The following DOP1B variants were observed in gnomAD, a reference collection of about 807,000 sequenced individuals.
The protein encoded by DOP1B is protein DOP1B.
DOP1B carries 174 observed loss-of-function variants against 233.5 expected under a neutral mutation model. That is an observed-to-expected ratio of 0.75 (90% CI 0.66 to 0.85). DOP1B has a LOEUF of 0.85. Ranked by LOEUF, DOP1B falls within the 40% of genes least tolerant of loss-of-function variation. The pLI, the probability that DOP1B is intolerant of heterozygous loss-of-function variation, is 0.00. For missense variants in DOP1B, 2,652 were observed against 2,846.6 expected (o/e 0.93, Z 1.56); for synonymous variants, 1,190 against 1,185.6 (o/e 1.00, Z -0.08).
intron 23 of DOP1B, among the ~76,000 whole-genome samples, chr21:36,257,574 C>A (rs35962930): frequency 0.59 from 89,276 of 151,964 alleles, 26,669 homozygotes; most frequent in African/African-American, 0.69. Flanking sequence ...CACGTAAAAA[C>A]ATAGGTTGAT....
chr21:36,209,729 G>C (rs370526844), intron 5 of DOP1B, among the ~76,000 whole-genome samples: 3 of 152,092 alleles, frequency 2.0e-5, no homozygotes, highest in East Asian at 1.9e-4. Context: ...ATCCCTTCTC[G>C]TGCCCTTAGA....
chr21:36,281,715 A>G, intron 32 of DOP1B, 104 bp downstream of exon 32: 1 of 1,107,578 alleles, frequency 9.0e-7, no homozygotes, highest in African/African-American at 1.6e-5. Flanking sequence ...CTGGAGGCTG[A>G]GAAGTCCTAT....
chr21:36,253,928 C>T lies in DOP1B; in HGVS notation c.5259+19C>T. ...TGATGAGGTGAGGAGCCTGGGGAAG[C>T]CTCTGGGCTTCTGCAGATTAGTGGG... On this transcript the variant is annotated intron_variant, in intron 23 of 36. Coordinates refer to ENST00000691173, the MANE Select transcript of DOP1B (RefSeq NM_001320714.2). The T allele has an allele frequency of 6.2e-7, 1 of 1,609,228 alleles. No homozygotes were observed. Among genetic ancestry groups the T allele is most frequent in the Non-Finnish European group, 8.5e-7 (1 of 1,177,330 alleles).
At chr21:36,277,123 G>T (rs371957153) in intron 28 of DOP1B, 23 bp downstream of exon 28, 1 of 1,604,778 alleles carries the variant, frequency 6.2e-7, no homozygotes, top group Non-Finnish European at 8.5e-7. Context: ...CTGACCTGTC[G>T]TCCTTTATGG....
At chr21:36,200,739 A>C (rs538083366) in intron 4 of DOP1B, among the ~76,000 whole-genome samples, 80 of 151,642 alleles carry the variant, frequency 5.3e-4, no homozygotes, top group Non-Finnish European at 1.0e-3. Context: ...GCTACTCGGG[A>C]GGCTGAGGCA....
At chr21:36,274,622 C>T (rs528594748) in intron 27 of DOP1B, among the ~76,000 whole-genome samples, 1 of 152,050 alleles carries the variant, frequency 6.6e-6, no homozygotes, top group East Asian at 1.9e-4. Context: ...CGGTGGAGGG[C>T]CGCTGAGAAG....
At chr21:36,178,471 T>TCCTCCCA (rs1269455037) in intron 2 of DOP1B, among the ~76,000 whole-genome samples, 407 of 151,334 alleles carry the variant, frequency 2.7e-3, no homozygotes, top group Middle Eastern at 0.024. Context: ...GAGACAGACT[T>TCCTCCCA]CCTCCCACCT....
At chr21:36,198,497 G>A (rs1233416789) in intron 2 of DOP1B, among the ~76,000 whole-genome samples, 1 of 152,042 alleles carries the variant, frequency 6.6e-6, no homozygotes, top group Non-Finnish European at 1.5e-5. Flanking sequence ...TCTGCCCATG[G>A]TTACTCTGTG....
At chr21:36,271,125 TAAA>T (rs79382444) in intron 27 of DOP1B, among the ~76,000 whole-genome samples, 2 of 138,406 alleles carry the variant, frequency 1.4e-5, no homozygotes, top group Non-Finnish European at 1.6e-5. Flanking sequence ...GTTGGAAAGT[TAAA>T]AAAAAAAAAA....
At chr21:36,279,844 C>T (rs1367286224) in intron 30 of DOP1B, among the ~76,000 whole-genome samples, 2 of 152,138 alleles carry the variant, frequency 1.3e-5, no homozygotes, top group Admixed American at 6.6e-5. Context: ...CTATTTATTT[C>T]TATCACTAAC....
chr21:36,161,738 G>A (rs11088342), intron 1 of DOP1B, among the ~76,000 whole-genome samples: 12,423 of 152,186 alleles, frequency 0.082, 1,718 homozygotes, highest in African/African-American at 0.28. Context: ...ACCTGAGAAA[G>A]ATCGCCGTGC....
At chr21:36,268,019 C>T (rs923502531) in intron 26 of DOP1B, among the ~76,000 whole-genome samples, 9 of 152,102 alleles carry the variant, frequency 5.9e-5, no homozygotes, top group African/African-American at 1.2e-4. Context: ...CTATGTTCAG[C>T]GGTGCACGTA....
At chr21:36,218,994 C>A (rs1476266113) in intron 9 of DOP1B, among the ~76,000 whole-genome samples, 1 of 152,226 alleles carries the variant, frequency 6.6e-6, no homozygotes, top group Non-Finnish European at 1.5e-5. Context: ...ACGTAGTCTG[C>A]GCTCTGCCTC....
chr21:36,284,096 A>T (rs7279453), intron 32 of DOP1B, among the ~76,000 whole-genome samples: 95,893 of 149,268 alleles, frequency 0.64, 31,041 homozygotes, highest in African/African-American at 0.76. Context: ...TACAGGCACC[A>T]GCCACCACAC....
intron 27 of DOP1B, 98 bp from the exon 28 acceptor site, chr21:36,276,923 C>T (rs999014424): frequency 3.7e-5 from 41 of 1,101,316 alleles, no homozygotes; most frequent in Non-Finnish European, 5.0e-5. Flanking sequence ...GTATGAAAGG[C>T]GGGAGCTGAT....
At chr21:36,249,735 A>G (rs1428485427) in intron 21 of DOP1B, among the ~76,000 whole-genome samples, 2 of 152,150 alleles carry the variant, frequency 1.3e-5, no homozygotes, top group African/African-American at 4.8e-5. Context: ...TGTGTGTGGC[A>G]TCTCAGAATT....
Position 36,246,754 on chromosome 21 carries a change from T to A in DOP1B, c.4697+77T>A, listed in dbSNP as rs2123595761. 1.3e-6 allele frequency: 2 copies of A among 1,517,530 alleles called. No individual in the cohort carries two copies. The highest frequency in any genetic ancestry group is 4.6e-5 in the East Asian group (2 of 43,930). 94.0% of individuals were successfully genotyped at this position (1,517,530 alleles called of 1,614,324 possible). ...ACGAATGACTGTTTTGCCACGGATG[T>A]GGATGTCGGTTGGAGGATAATTTCA... On this transcript the variant is annotated intron_variant, in intron 19 of 36. Transcript: ENST00000691173. This position sits in a 1 kb window ranked among gnomAD's most constrained non-coding sequence, Gnocchi z 5.1.
intron 32 of DOP1B, among the ~76,000 whole-genome samples, chr21:36,287,798 G>A (rs994483319): frequency 6.6e-6 from 1 of 151,684 alleles, no homozygotes; most frequent in Non-Finnish European, 1.5e-5. Context: ...TATTGGCCAG[G>A]CTGGCCTCGA....
chr21:36,287,779 G>A (rs2067503375), intron 32 of DOP1B, among the ~76,000 whole-genome samples: 1 of 151,672 alleles, frequency 6.6e-6, no homozygotes, highest in Non-Finnish European at 1.5e-5. Context: ...TAGAGATGGG[G>A]TTTTACCATA....
Sources: allele counts gnomAD v4.1 joint callset (sites outside exome capture counted in the v4.1 genomes callset), GRCh38; gene constraint gnomAD v4.1.1; non-coding constraint Gnocchi (gnomAD v3.1); transcripts MANE v1.5; gene names NCBI Gene and HGNC (gene_info 2026-07-23, HGNC 2026-07-21).